The following MYO9A variants were observed in gnomAD, a reference collection of about 807,000 sequenced individuals.
MYO9A encodes the protein unconventional myosin-IXa.
A neutral mutation model predicts 293.3 loss-of-function variants in MYO9A; 103 were observed. That is an observed-to-expected ratio of 0.35 (90% CI 0.30 to 0.41). MYO9A has a LOEUF of 0.41. Ranked by LOEUF, MYO9A falls within the 10% of genes least tolerant of loss-of-function variation. The pLI is 1.00. For synonymous variants in MYO9A, 1,001 were observed against 1,035.7 expected, an observed-to-expected ratio of 0.97 and a Z score of 0.64; for missense variants, 2,685 against 3,033.0, an observed-to-expected ratio of 0.89 and a Z score of 2.69.
At chr15:71,969,036 T>C (rs569407374) in intron 12 of MYO9A, among the ~76,000 whole-genome samples, 3 of 152,304 alleles carry the variant, frequency 2.0e-5, no homozygotes, top group Non-Finnish European at 4.4e-5. Flanking sequence ...CAGATAATCA[T>C]AGTTTACATT....
chr15:71,992,147 A>C (rs577399396), intron 10 of MYO9A, among the ~76,000 whole-genome samples: 2 of 152,232 alleles, frequency 1.3e-5, no homozygotes, highest in Admixed American at 1.3e-4. Context: ...ATTACAACAA[A>C]AGACAGCAAT....
intron 18 of MYO9A, among the ~76,000 whole-genome samples, chr15:71,924,429 A>C (rs886863647): frequency 6.6e-6 from 1 of 151,966 alleles, no homozygotes; most frequent in Admixed American, 6.6e-5. Context: ...TTTTTAATAG[A>C]GACAGGGTTT....
intron 1 of MYO9A, among the ~76,000 whole-genome samples, chr15:72,111,835 A>G (rs2080792382): frequency 6.6e-6 from 1 of 152,010 alleles, no homozygotes; most frequent in South Asian, 2.1e-4. Flanking sequence ...TTGTAGAGAC[A>G]AGGTCTCCTA....
intron 2 of MYO9A, chr15:72,041,441 T>C (rs1412777162): frequency 1.5e-5 from 5 of 337,940 alleles, no homozygotes; most frequent in South Asian, 1.2e-4. Context: ...GACAAATATC[T>C]TCTTCTTCTT....
At chr15:71,957,062 G>A (rs1468036667) in intron 14 of MYO9A, among the ~76,000 whole-genome samples, 1 of 152,024 alleles carries the variant, frequency 6.6e-6, no homozygotes, top group East Asian at 1.9e-4. Context: ...AAGAATATCT[G>A]TCTACACATT....
intron 15 of MYO9A, among the ~76,000 whole-genome samples, chr15:71,943,187 CTT>C (rs959874437): frequency 2.0e-5 from 3 of 151,468 alleles, no homozygotes; most frequent in African/African-American, 7.3e-5. Context: ...TTTTTTCCTT[CTT>C]GATTTTCACT....
At chr15:71,902,717 G>A (rs1230845146) in intron 22 of MYO9A, among the ~76,000 whole-genome samples, 1 of 152,128 alleles carries the variant, frequency 6.6e-6, no homozygotes, top group East Asian at 1.9e-4. Context: ...GAGTATCTAT[G>A]GAGAGATGAT....
At chr15:72,073,742 C>T (rs576738652) in intron 1 of MYO9A, among the ~76,000 whole-genome samples, 1 of 152,238 alleles carries the variant, frequency 6.6e-6, no homozygotes, top group Non-Finnish European at 1.5e-5. Context: ...GAGGTATCTA[C>T]TAACCGAAAG....
intron 26 of MYO9A, chr15:71,893,444 A>G: frequency 3.7e-6 from 2 of 546,612 alleles, no homozygotes; most frequent in South Asian, 2.2e-5. Flanking sequence ...TAGTAAGTCA[A>G]CAAAGTCTCT....
At chr15:72,074,549 C>T (rs189295273) in intron 1 of MYO9A, among the ~76,000 whole-genome samples, 94 of 152,286 alleles carry the variant, frequency 6.2e-4, no homozygotes, top group African/African-American at 1.9e-3. Context: ...TAGACTGATA[C>T]GATGGACCAA....
chr15:71,938,814 T>C (rs375587498), intron 16 of MYO9A, 38 bp downstream of exon 16: 20 of 1,501,338 alleles, frequency 1.3e-5, no homozygotes, highest in Non-Finnish European at 1.6e-5. Context: ...AGTTATTTCT[T>C]CTATACGTCC....
chr15:71,935,289 C>CAGACAAA, intron 17 of MYO9A, 52 bp downstream of exon 17: 1 of 1,499,696 alleles, frequency 6.7e-7, no homozygotes, highest in Non-Finnish European at 9.0e-7. Context: ...AATTTTAAAC[C>CAGACAAA]AGACAAAAAA....
intron 13 of MYO9A, among the ~76,000 whole-genome samples, chr15:71,964,617 TAAAAA>T (rs36017249): frequency 8.1e-6 from 1 of 123,930 alleles, no homozygotes; most frequent in South Asian, 2.7e-4. Context: ...CCATCTCTAC[TAAAAA>T]AAAAAAAAAA....
chr15:71,951,811 T>G lies in MYO9A; in HGVS notation c.2268A>C (p.Leu756Phe). Reference sequence around the variant, plus strand: ...CTTCCTTGCATCTCTGCAGAATCTCTAAGCTCCTCTGGTGGACTGGGTGTT... The same window carrying G: ...CTTCCTTGCATCTCTGCAGAATCTCGAAGCTCCTCTGGTGGACTGGGTGTT... ...FLQHPVHQRS[L>F]EILQRCKEEK... Residue 756 changes from leucine to phenylalanine, a missense_variant, in exon 15 of 42, where the codon TTA (leucine) becomes TTC (phenylalanine). Transcript: ENST00000356056. The G allele has an allele frequency of 1.2e-6, 2 of 1,613,758 alleles. No individual in the cohort carries two copies. The highest frequency in any genetic ancestry group is 1.7e-6 in the Non-Finnish European group (2 of 1,179,886).
At chr15:72,087,656 C>T (rs2079783424) in intron 1 of MYO9A, among the ~76,000 whole-genome samples, 1 of 152,192 alleles carries the variant, frequency 6.6e-6, no homozygotes, top group South Asian at 2.1e-4. Flanking sequence ...ACTCTCAGTG[C>T]CTTCCCTCTG....
intron 13 of MYO9A, among the ~76,000 whole-genome samples, chr15:71,966,674 C>G (rs577308316): frequency 6.6e-6 from 1 of 152,220 alleles, no homozygotes; most frequent in African/African-American, 2.4e-5. Flanking sequence ...TGGATCCCCC[C>G]CAACCTCTAC....
At chr15:72,015,132 C>T (rs1209019276) in intron 6 of MYO9A, among the ~76,000 whole-genome samples, 2 of 151,762 alleles carry the variant, frequency 1.3e-5, no homozygotes, top group Non-Finnish European at 1.5e-5. Context: ...CGTGACCCAC[C>T]GCACCTGGCC....
rs1172287641 is a variant in MYO9A, at chr15:71,849,717, TA to T, written c.6713+318del. On this transcript the variant is annotated intron_variant, in intron 38 of 41. Transcript: ENST00000356056. Reference sequence around the variant, plus strand: ...TTAAGACCAAAGGATTCAGAGCCATTAAGACCACAGTTAGACTAGATTACAG... The same window carrying T: ...TTAAGACCAAAGGATTCAGAGCCATTAGACCACAGTTAGACTAGATTACAG... Among the ~76,000 whole-genome samples, 14 of 113,630 alleles carry T rather than the reference TA, an allele frequency of 1.2e-4. No individual in the cohort carries two copies. In the East Asian group the frequency reaches 2.8e-3, roughly 23 times the overall value. The allele number at this position is 113,630 out of a possible 152,430, so 74.5% of individuals were successfully genotyped here.
Position 71,898,080 on chromosome 15 carries a change from C to G in MYO9A, c.4423G>C (p.Val1475Leu). The G allele has an allele frequency of 6.2e-7, 1 of 1,614,142 alleles. No individual in the cohort carries two copies. The highest frequency in any genetic ancestry group is 1.1e-5 in the South Asian group (1 of 91,078). The change falls in exon 25 of 42, where the codon GTT becomes CTT. Residue 1475 changes from valine to leucine, a missense_variant. Coordinates refer to ENST00000356056, the MANE Select transcript of MYO9A (RefSeq NM_006901.4). ...RYHCSGKDQI[V>L]PSLNTESSNP... ...GAAGACTCTGTATTCAAAGAAGGAA[C>G]AATCTGATCTTTTCCTGAGCAGTGA...
Sources: allele counts gnomAD v4.1 joint callset (sites outside exome capture counted in the v4.1 genomes callset), GRCh38; gene constraint gnomAD v4.1.1; transcripts MANE v1.5; gene names NCBI Gene and HGNC (gene_info 2026-07-23, HGNC 2026-07-21).